RLN2: variants seen among roughly 807,000 people sequenced by gnomAD.
The protein encoded by RLN2 is relaxin 2.
In RLN2, 10 loss-of-function variants were observed where a neutral mutation model predicts 7.3. The observed-to-expected ratio is 1.36, with a 90% CI of 0.84 to 2.31. RLN2 has a LOEUF of 2.31. Ranked by LOEUF, RLN2 falls within the 30% of genes most tolerant of loss-of-function variation. The pLI, the probability that RLN2 is intolerant of heterozygous loss-of-function variation, is 0.00. For missense variants in RLN2, 298 were observed against 217.6 expected (o/e 1.37, Z -2.32); for synonymous variants, 103 against 82.3 (o/e 1.25, Z -1.36).
chr9:5,300,201 C>G lies in RLN2; in HGVS notation c.455G>C (p.Gly152Ala). The G allele has an allele frequency of 1.2e-6, 2 of 1,613,914 alleles. No homozygotes were observed. Among genetic ancestry groups the G allele is most frequent in the Non-Finnish European group, 1.7e-6 (2 of 1,179,898 alleles). Residue 152 changes from glycine (G) to alanine (A), a missense_variant, in exon 2 of 2, where the codon GGC becomes GCC. Gly to Ala is a moderately conservative substitution (Grantham distance 60). Transcript: ENST00000381627. ...DSSPSELKYL[G>A]LDTHSRKKRQ... is the part of the protein sequence containing the mutation. ...CTTTTTTCGAGAATGAGTATCCAAGCCTAAGTATTTTAATTCTGAAGGACT... is the reference window on the plus strand; with the variant it reads ...CTTTTTTCGAGAATGAGTATCCAAGGCTAAGTATTTTAATTCTGAAGGACT...
the RLN2 span, among the ~76,000 whole-genome samples, chr9:5,312,176 C>T: frequency 6.6e-6 from 1 of 151,834 alleles, no homozygotes; most frequent in Non-Finnish European, 1.5e-5. Flanking sequence ...GGAGGGATCC[C>T]CTGATTTTGA....
chr9:5,320,051 T>A, the RLN2 span, among the ~76,000 whole-genome samples: 7 of 151,130 alleles, frequency 4.6e-5, no homozygotes, highest in Admixed American at 4.6e-4. Context: ...GGTGGCACAA[T>A]CTCGGTTCAC....
At chr9:5,334,848 T>G in the RLN2 span, 2 of 156,246 alleles carry the variant, frequency 1.3e-5, no homozygotes, top group Admixed American at 6.5e-5. Context: ...TTGAAATCTA[T>G]TAGGAAAGTT....
the RLN2 span, among the ~76,000 whole-genome samples, chr9:5,311,086 T>C: frequency 3.3e-5 from 5 of 151,778 alleles, no homozygotes; most frequent in Non-Finnish European, 2.9e-5. Flanking sequence ...GAGAAAAAAA[T>C]GCACTCTAAG....
the RLN2 span, among the ~76,000 whole-genome samples, chr9:5,328,004 C>T: frequency 6.6e-6 from 1 of 151,970 alleles, no homozygotes; most frequent in African/African-American, 2.4e-5. Context: ...AGCACCACTT[C>T]TCCAAAGGAT....
chr9:5,317,616 A>G, the RLN2 span, among the ~76,000 whole-genome samples: 1 of 151,872 alleles, frequency 6.6e-6, no homozygotes, highest in Non-Finnish European at 1.5e-5. Context: ...AGATGGTATT[A>G]AATTGAAAGA....
At chr9:5,320,577 G>A in the RLN2 span, among the ~76,000 whole-genome samples, 482 of 151,634 alleles carry the variant, frequency 3.2e-3, 6 homozygotes, top group African/African-American at 0.011. Flanking sequence ...CACCATGTGG[G>A]CCAGGCTGCT....
At chr9:5,305,389 A>ACG (rs1253812641), upstream of RLN2, among the ~76,000 whole-genome samples, 1 of 143,066 alleles carries the variant, frequency 7.0e-6, no homozygotes, top group Non-Finnish European at 1.5e-5. Flanking sequence ...ACACACACAC[A>ACG]CACACACACA....
the RLN2 span, among the ~76,000 whole-genome samples, chr9:5,316,872 G>A: frequency 6.6e-6 from 1 of 151,998 alleles, no homozygotes; most frequent in East Asian, 1.9e-4. Flanking sequence ...TCACCACACT[G>A]TCTTCCACAA....
chr9:5,326,370 C>A, the RLN2 span, among the ~76,000 whole-genome samples: 31 of 152,192 alleles, frequency 2.0e-4, no homozygotes, highest in East Asian at 2.7e-3. Flanking sequence ...GGTGGAGCCA[C>A]TGAAGTGGTA....
the RLN2 span, among the ~76,000 whole-genome samples, chr9:5,319,459 T>C: frequency 1.3e-5 from 2 of 152,124 alleles, no homozygotes; most frequent in East Asian, 1.9e-4. Context: ...TTTTTTAATG[T>C]AACTTTTCAT....
intron 1 of RLN2, 80 bp downstream of exon 1, chr9:5,304,290 G>A: frequency 2.1e-6 from 2 of 931,472 alleles, no homozygotes; most frequent in East Asian, 2.7e-5. Flanking sequence ...GGACGTGCAG[G>A]CCGCCGTTCC....
At chr9:5,337,014 CAA>C in the RLN2 span, among the ~76,000 whole-genome samples, 1 of 151,938 alleles carries the variant, frequency 6.6e-6, no homozygotes, top group African/African-American at 2.4e-5. Flanking sequence ...CAAAACAAAA[CAA>C]AAAACCTGTA....
chr9:5,306,102 G>GGTTTTTTTT (rs1554618110), upstream of RLN2, among the ~76,000 whole-genome samples: 4 of 123,434 alleles, frequency 3.2e-5, no homozygotes, highest in African/African-American at 9.9e-5. Flanking sequence ...CTTTGTTTTT[G>GGTTTTTTTT]TTTTTTGTTT....
the RLN2 span, among the ~76,000 whole-genome samples, chr9:5,325,937 C>A: frequency 1.3e-5 from 2 of 151,926 alleles, no homozygotes; most frequent in East Asian, 3.9e-4. Flanking sequence ...ATCCATGTAA[C>A]ACACTGGAAA....
At chr9:5,312,690 A>G in the RLN2 span, among the ~76,000 whole-genome samples, 2 of 151,916 alleles carry the variant, frequency 1.3e-5, no homozygotes, top group South Asian at 4.2e-4. Flanking sequence ...TATGGAGAGT[A>G]TCTTTAATAA....
At chr9:5,330,544 A>C in the RLN2 span, among the ~76,000 whole-genome samples, 3 of 149,700 alleles carry the variant, frequency 2.0e-5, no homozygotes, top group East Asian at 6.0e-4. Context: ...AGGCTGAGGC[A>C]GGAGAACGGC....
At chr9:5,304,817 T>C, upstream of RLN2, 1 of 560,376 alleles carries the variant, frequency 1.8e-6, no homozygotes, top group South Asian at 2.1e-5. Context: ...TTGGTCTCCC[T>C]CTCTGCCTTT....
chr9:5,317,642 C>T, the RLN2 span, among the ~76,000 whole-genome samples: 1 of 151,708 alleles, frequency 6.6e-6, no homozygotes, highest in Non-Finnish European at 1.5e-5. Context: ...TTTGCCACAT[C>T]TATTACAAAT....
Sources: gnomAD v4.1 joint callset for allele counts (sites outside exome capture counted in the v4.1 genomes callset) on GRCh38, gnomAD v4.1.1 for gene constraint, MANE v1.5 for transcripts, NCBI Gene and HGNC (gene_info 2026-07-23, HGNC 2026-07-21) for gene names.